Variants in ZNF671 observed in about 807,000 individuals in gnomAD.
The protein encoded by ZNF671 is hypothetical protein FLJ23506.
In ZNF671, 19 loss-of-function variants were observed where a neutral mutation model predicts 16.6. The ratio of observed to expected loss-of-function variants is 1.14; its 90% CI spans 0.80 to 1.68. The LOEUF (loss-of-function observed/expected upper bound fraction) is 1.68, where lower values mean the gene tolerates loss of function less well. Among genes scored for constraint, ZNF671 ranks in the 40% most tolerant of loss-of-function variants. The pLI, the probability that ZNF671 is intolerant of heterozygous loss-of-function variation, is 0.00. For synonymous variants in ZNF671, 238 were observed against 236.3 expected (o/e 1.01, Z -0.06); for missense variants, 637 against 659.8 (o/e 0.97, Z 0.38).
In ZNF671 at chr19:57,721,192, G is replaced by A. The variant is rs886419200; in HGVS notation, c.894C>T (p.Asp298=). 3.1e-6 allele frequency: 5 copies of A among 1,611,818 alleles called. No homozygotes were observed. In the African/African-American group the frequency reaches 5.3e-5, roughly 17 times the overall value. ...GGATTCTCTGATGCCGAGCAAGTGTGTCTTTGCGGGTGAAGGCTTTCCCAC... is the reference window on the plus strand; with the variant it reads ...GGATTCTCTGATGCCGAGCAAGTGTATCTTTGCGGGTGAAGGCTTTCCCAC... The part of the protein sequence containing the change: ...GECGKAFTRK[D]TLARHQRIHT... Residue 298 remains aspartate, a synonymous_variant, in exon 4 of 4, where the codon GAC becomes GAT. Transcript: ENST00000317398.
intron 1 of ZNF671, among the ~76,000 whole-genome samples, chr19:57,724,817 G>A (rs1985992381): frequency 6.6e-6 from 1 of 152,104 alleles, no homozygotes. Flanking sequence ...GAGCCACTGC[G>A]CCTGGCCGAC....
Position 57,720,826 on chromosome 19 carries a change from A to G in ZNF671, c.1260T>C (p.Thr420=), listed in dbSNP as rs1456411818. The G allele has an allele frequency of 1.9e-6, 3 of 1,614,224 alleles. No individual in the cohort carries two copies. Among genetic ancestry groups the G allele is most frequent in the Admixed American group, 1.7e-5 (1 of 60,028 alleles). ...CACTGCACTCATAAGGCCTTTCTCCAGTGTGAGTTCGTTGGTGCAGAACAA... is the reference window on the plus strand; with the variant it reads ...CACTGCACTCATAAGGCCTTTCTCCGGTGTGAGTTCGTTGGTGCAGAACAA... ...HTLVLHQRTH[T]GERPYECSEC... The change falls in exon 4 of 4, where the codon ACT becomes ACC. Residue 420 remains threonine, a synonymous_variant. Coordinates refer to ENST00000317398, the MANE Select transcript of ZNF671 (RefSeq NM_024833.3).
At chr19:57,727,205 T>G in intron 1 of ZNF671, 186 bp downstream of exon 1, 3 of 684,122 alleles carry the variant, frequency 4.4e-6, no homozygotes, top group Admixed American at 3.6e-5. Flanking sequence ...TGTTTGGGGG[T>G]CAGCAGCACC....
intron 3 of ZNF671, chr19:57,722,020 T>A (rs1453339963): frequency 3.7e-6 from 2 of 547,142 alleles, no homozygotes; most frequent in Non-Finnish European, 6.4e-6. Flanking sequence ...GAGCAGCTGG[T>A]GTTCAAAGAC....
At chr19:57,722,586 C>G in intron 2 of ZNF671, 148 bp from the exon 3 acceptor site, 1 of 1,291,270 alleles carries the variant, frequency 7.7e-7, no homozygotes, top group African/African-American at 1.5e-5. Context: ...GTGCCTATAA[C>G]TCCTGACAAG....
chr19:57,721,296 TGA>T lies in ZNF671; in HGVS notation c.788_789del (p.Leu263GlnfsTer10). ...GTGCTCTTGTGGGGCTTCATGCTGC[TGA>T]GAGAGGCCTGATGCTGAAGAAGGCC... is the stretch of plus-strand genomic sequence containing the variant. ...TSGLLQHQAS[L>X]SSMKPHKSTK... On this transcript the variant is annotated frameshift_variant, in exon 4 of 4. Transcript: ENST00000317398. LOFTEE classifies it low-confidence loss of function (END_TRUNC). 1 of 1,596,436 alleles carries T rather than the reference TGA, an allele frequency of 6.3e-7. No homozygotes were observed. Among genetic ancestry groups the T allele is most frequent in the Non-Finnish European group, 8.5e-7 (1 of 1,169,610 alleles).
chr19:57,720,341 A>T lies in ZNF671; in HGVS notation c.*140T>A. On this transcript the variant is annotated 3_prime_UTR_variant, in exon 4 of 4. Coordinates refer to ENST00000317398, the MANE Select transcript of ZNF671 (RefSeq NM_024833.3). The stretch of plus-strand genomic sequence containing the variant: ...CTGCTAAGGCCTGTGTCCGGTGTGA[A>T]ATTCCCAATGGCGGGTAAGGTTCAG... The T allele has an allele frequency of 8.2e-7, 1 of 1,213,850 alleles. No individual in the cohort carries two copies. Among genetic ancestry groups the T allele is most frequent in the Non-Finnish European group, 1.1e-6 (1 of 871,474 alleles). 75.2% of individuals were successfully genotyped at this position (1,213,850 alleles called of 1,614,324 possible).
chr19:57,723,139 G>A, intron 2 of ZNF671, 75 bp downstream of exon 2: 10 of 1,515,800 alleles, frequency 6.6e-6, no homozygotes, highest in Non-Finnish European at 8.9e-6. Context: ...CAGGAAACTG[G>A]TGAAGGAAGC....
rs1986053320 is a variant in ZNF671, at chr19:57,726,468, G to T, written c.138+923C>A. On this transcript the variant is annotated intron_variant, in intron 1 of 3. Coordinates refer to ENST00000317398, the MANE Select transcript of ZNF671 (RefSeq NM_024833.3). The stretch of plus-strand genomic sequence containing the variant: ...TCTCTCCTCCTGCAAACACTGAAAA[G>T]AACCCTTTCAAATGGCAGGACCCTT... Among the ~76,000 whole-genome samples, 4 of 152,008 alleles carry T rather than the reference G, an allele frequency of 2.6e-5. 1 individual carries two copies. In the South Asian group the frequency reaches 8.3e-4, roughly 32 times the overall value.
intron 1 of ZNF671, among the ~76,000 whole-genome samples, chr19:57,724,740 T>C (rs1446713730): frequency 6.6e-5 from 10 of 152,124 alleles, no homozygotes; most frequent in Admixed American, 6.6e-4. Flanking sequence ...TTAGCCAGGA[T>C]GGTCTTGATC....
chr19:57,721,199 C>A lies in ZNF671; in HGVS notation c.887G>T (p.Arg296Leu), dbSNP rs755577822. The change falls in exon 4 of 4, where the codon CGC becomes CTC. Residue 296 changes from arginine (R) to leucine (L), a missense_variant. Transcript: ENST00000317398. The stretch of plus-strand genomic sequence containing the variant: ...CTGATGCCGAGCAAGTGTGTCTTTG[C>A]GGGTGAAGGCTTTCCCACATTCACC... Reference protein sequence around the residue: ...RCGECGKAFTRKDTLARHQRI... With the variant: ...RCGECGKAFTLKDTLARHQRI... 4.3e-6 allele frequency: 7 copies of A among 1,609,860 alleles called. No individual in the cohort carries two copies. The highest frequency in any genetic ancestry group is 2.2e-5 in the East Asian group (1 of 44,794).
At chr19:57,724,442 T>C (rs1985979591) in intron 1 of ZNF671, among the ~76,000 whole-genome samples, 1 of 152,146 alleles carries the variant, frequency 6.6e-6, no homozygotes, top group Non-Finnish European at 1.5e-5. Flanking sequence ...TCAATATTGC[T>C]GTGTGTCAGG....
chr19:57,722,240 A>C (rs1245907481), intron 3 of ZNF671, 76 bp downstream of exon 3: 1 of 1,581,556 alleles, frequency 6.3e-7, no homozygotes, highest in Admixed American at 1.8e-5. Context: ...CTGGAAACAA[A>C]CACTGATGTG....
At chr19:57,721,882 G>T (rs1600050747) in intron 3 of ZNF671, 185 bp from the exon 4 acceptor site, 1 of 784,936 alleles carries the variant, frequency 1.3e-6, no homozygotes, top group East Asian at 2.7e-5. Context: ...TACCATGGGG[G>T]AGTGCCAATG....
Position 57,721,970 on chromosome 19 carries a change from T to A in ZNF671, c.389-273A>T, listed in dbSNP as rs143391861. ...GACTGTTAGTGACTCGTGAGTGCTA[T>A]GAAAAATGTATCCAGTCCCAGGAAA... On this transcript the variant is annotated intron_variant, in intron 3 of 3. Coordinates refer to ENST00000317398, the MANE Select transcript of ZNF671 (RefSeq NM_024833.3). The A allele has an allele frequency of 1.4e-3, 793 of 564,118 alleles. 4 individuals carry two copies. The highest frequency in any genetic ancestry group is 0.011 in the African/African-American group (569 of 53,500). 34.9% of individuals were successfully genotyped at this position (564,118 alleles called of 1,614,324 possible). A position where few individuals can be genotyped will look rare whatever the true frequency, so the allele number is the denominator to read the frequency against.
chr19:57,724,435 A>G (rs1431225639), intron 1 of ZNF671, among the ~76,000 whole-genome samples: 1 of 152,164 alleles, frequency 6.6e-6, no homozygotes, highest in Non-Finnish European at 1.5e-5. Flanking sequence ...CCTGATTTCA[A>G]TATTGCTGTG....
Position 57,721,181 on chromosome 19 carries a change from C to G in ZNF671, c.905G>C (p.Arg302Pro). 1.2e-6 allele frequency: 2 copies of G among 1,613,030 alleles called. No homozygotes were observed. Among genetic ancestry groups the G allele is most frequent in the Non-Finnish European group, 1.7e-6 (2 of 1,179,246 alleles). ...TTCTCCAGTGTGGATTCTCTGATGCCGAGCAAGTGTGTCTTTGCGGGTGAA... is the reference window on the plus strand; with the variant it reads ...TTCTCCAGTGTGGATTCTCTGATGCGGAGCAAGTGTGTCTTTGCGGGTGAA... The part of the protein sequence containing the change: ...KAFTRKDTLA[R>P]HQRIHTGERP... The change falls in exon 4 of 4, where the codon CGG becomes CCG. Residue 302 changes from arginine to proline, a missense_variant. Coordinates refer to ENST00000317398, the MANE Select transcript of ZNF671 (RefSeq NM_024833.3).
chr19:57,725,504 C>T (rs1221577311), intron 1 of ZNF671, among the ~76,000 whole-genome samples: 1 of 151,978 alleles, frequency 6.6e-6, no homozygotes, highest in Non-Finnish European at 1.5e-5. Context: ...GTGGTGGGCA[C>T]CTGTAATCCC....
chr19:57,721,002 C>T lies in ZNF671; in HGVS notation c.1084G>A (p.Val362Ile). 1 of 1,614,058 alleles carries T rather than the reference C, an allele frequency of 6.2e-7. No individual in the cohort carries two copies. Residue 362 changes from valine to isoleucine, a missense_variant, in exon 4 of 4, where the codon GTT becomes ATT. Transcript: ENST00000317398. ...TGATAGAGTCTTTCACCCGTGTGAA[C>T]TCGCCTGTGCTCAATCAGGCCGGAG... ...QISGLIEHRRVHTGERLYQCG... is the reference protein window; with the variant it reads ...QISGLIEHRRIHTGERLYQCG...
Sources: allele counts gnomAD v4.1 joint callset (sites outside exome capture counted in the v4.1 genomes callset), GRCh38; gene constraint gnomAD v4.1.1; transcripts MANE v1.5; gene names NCBI Gene and HGNC (gene_info 2026-07-23, HGNC 2026-07-21).